The following NOL4 variants were observed in gnomAD, a reference collection of about 807,000 sequenced individuals.
The protein encoded by NOL4 is cancer/testis antigen 125.
Under a neutral mutation model 75.9 loss-of-function variants are expected in NOL4, and 17 were observed. That is an observed-to-expected ratio of 0.22 (90% CI 0.15 to 0.34). NOL4 has a LOEUF of 0.34. NOL4 is among the 10% of genes least tolerant of loss of function. NOL4 has a pLI of 1.00. For synonymous variants in NOL4, 292 were observed against 289.9 expected (o/e 1.01, Z -0.07); for missense variants, 614 against 793.5 (o/e 0.77, Z 2.72).
intron 2 of NOL4, among the ~76,000 whole-genome samples, chr18:34,122,439 G>A (rs1439739646): frequency 6.6e-6 from 1 of 151,854 alleles, no homozygotes; most frequent in Non-Finnish European, 1.5e-5. Flanking sequence ...GATTAAGAGG[G>A]GGAAAAAAGC....
intron 8 of NOL4, 141 bp downstream of exon 8, chr18:33,957,185 C>A: frequency 6.7e-6 from 4 of 595,484 alleles, no homozygotes; most frequent in Admixed American, 3.4e-5. Flanking sequence ...GGGGAAAAAA[C>A]AAACGAGCAA....
chr18:34,107,005 T>C (rs915843258), intron 2 of NOL4, among the ~76,000 whole-genome samples: 2 of 152,170 alleles, frequency 1.3e-5, no homozygotes, highest in African/African-American at 4.8e-5. Flanking sequence ...TTAAATTTTT[T>C]ATCTACTTTA....
At chr18:34,028,896 C>T (rs921946898) in intron 5 of NOL4, among the ~76,000 whole-genome samples, 3 of 152,140 alleles carry the variant, frequency 2.0e-5, no homozygotes, top group African/African-American at 7.2e-5. Context: ...TTTCAATATT[C>T]CAATTTTTGA....
chr18:34,100,152 A>C (rs2078980766), intron 4 of NOL4, among the ~76,000 whole-genome samples: 1 of 151,468 alleles, frequency 6.6e-6, no homozygotes, highest in African/African-American at 2.4e-5. Flanking sequence ...TCTGTGCTCC[A>C]TTCTAAGGCC....
intron 4 of NOL4, among the ~76,000 whole-genome samples, chr18:34,100,160 G>A (rs576874725): frequency 1.3e-5 from 2 of 151,630 alleles, no homozygotes; most frequent in East Asian, 3.9e-4. Context: ...CCATTCTAAG[G>A]CCAACTTTTC....
intron 1 of NOL4, among the ~76,000 whole-genome samples, chr18:34,192,278 A>C (rs2034975389): frequency 6.6e-6 from 1 of 152,194 alleles, no homozygotes. Context: ...TTGTTAAAAC[A>C]TCCATAGTAC....
chr18:34,089,379 C>T (rs2078398170), intron 5 of NOL4, among the ~76,000 whole-genome samples: 1 of 152,206 alleles, frequency 6.6e-6, no homozygotes, highest in East Asian at 1.9e-4. Context: ...TATAGTTTTT[C>T]CAGACTTCAG....
chr18:33,907,390 C>G (rs1037110512), intron 9 of NOL4, among the ~76,000 whole-genome samples: 6 of 150,304 alleles, frequency 4.0e-5, no homozygotes, highest in African/African-American at 1.5e-4. Flanking sequence ...TAATCTTTAC[C>G]AATGTTTATC....
intron 10 of NOL4, among the ~76,000 whole-genome samples, chr18:33,879,506 C>T (rs191155249): frequency 5.5e-4 from 84 of 151,870 alleles, no homozygotes; most frequent in African/African-American, 2.0e-3. Flanking sequence ...AACTTTGTCT[C>T]TGCTAAAAAT....
chr18:33,947,475 C>A (rs2068918658), intron 8 of NOL4, among the ~76,000 whole-genome samples: 1 of 151,632 alleles, frequency 6.6e-6, no homozygotes, highest in South Asian at 2.1e-4. Context: ...ATGCAAAAAC[C>A]AAATGCAATA....
intron 10 of NOL4, among the ~76,000 whole-genome samples, chr18:33,860,173 C>T (rs1369792093): frequency 6.6e-6 from 1 of 151,942 alleles, no homozygotes; most frequent in Non-Finnish European, 1.5e-5. Flanking sequence ...GGAAACCACC[C>T]CCATGGTCCA....
intron 9 of NOL4, among the ~76,000 whole-genome samples, chr18:33,914,036 A>T (rs903915584): frequency 6.6e-6 from 1 of 152,198 alleles, no homozygotes; most frequent in Non-Finnish European, 1.5e-5. Context: ...TCTAATGCAG[A>T]AATGAACAAA....
At chr18:34,076,160 C>T (rs1489001543) in intron 5 of NOL4, among the ~76,000 whole-genome samples, 1 of 152,114 alleles carries the variant, frequency 6.6e-6, no homozygotes, top group Non-Finnish European at 1.5e-5. Context: ...AAGGTGCTTC[C>T]TCTGGTCAGA....
chr18:33,916,538 A>G (rs1414964550), intron 9 of NOL4, among the ~76,000 whole-genome samples: 1 of 152,190 alleles, frequency 6.6e-6, no homozygotes, highest in African/African-American at 2.4e-5. Context: ...CCACAAGTAT[A>G]AATTAATTTT....
chr18:33,957,242 C>G, intron 8 of NOL4, 84 bp downstream of exon 8: 1 of 1,145,256 alleles, frequency 8.7e-7, no homozygotes. Flanking sequence ...TAAAAAAAGA[C>G]ACTAAGATGG....
chr18:34,084,730 C>T (rs565294789), intron 5 of NOL4, among the ~76,000 whole-genome samples: 17 of 152,204 alleles, frequency 1.1e-4, no homozygotes, highest in African/African-American at 3.4e-4. Flanking sequence ...TACTTTCCAA[C>T]TGTTCTTTCT....
intron 1 of NOL4, among the ~76,000 whole-genome samples, chr18:34,145,161 A>C (rs1483348355): frequency 6.6e-6 from 1 of 152,128 alleles, no homozygotes; most frequent in Non-Finnish European, 1.5e-5. Context: ...ATAATATTTG[A>C]AAGTCAAAAT....
chr18:34,033,402 T>G (rs939064603), intron 5 of NOL4, among the ~76,000 whole-genome samples: 2 of 151,786 alleles, frequency 1.3e-5, no homozygotes, highest in African/African-American at 4.8e-5. Context: ...TTGAATAAAG[T>G]TAAAAATACA....
chr18:34,005,666 C>A (rs2073991802), intron 6 of NOL4, among the ~76,000 whole-genome samples: 1 of 152,056 alleles, frequency 6.6e-6, no homozygotes, highest in Admixed American at 6.6e-5. Flanking sequence ...TCAAACCATT[C>A]AACGTAGTGC....
Sources: allele counts gnomAD v4.1 joint callset (sites outside exome capture counted in the v4.1 genomes callset), GRCh38; gene constraint gnomAD v4.1.1; transcripts MANE v1.5; gene names NCBI Gene and HGNC (gene_info 2026-07-23, HGNC 2026-07-21).